The following HSPA5 variants were observed in gnomAD, a reference collection of about 807,000 sequenced individuals.
HSPA5 encodes the protein endoplasmic reticulum chaperone BiP.
Under a neutral mutation model 49.5 loss-of-function variants are expected in HSPA5, and 16 were observed. That is an observed-to-expected ratio of 0.32 (90% CI 0.22 to 0.49). The LOEUF (loss-of-function observed/expected upper bound fraction) is 0.49, where lower values mean the gene tolerates loss of function less well. HSPA5 is among the 20% of genes least tolerant of loss of function. HSPA5 has a pLI of 0.99. For synonymous variants in HSPA5, 271 were observed against 307.2 expected (o/e 0.88, Z 1.23); for missense variants, 376 against 819.0 (o/e 0.46, Z 6.60).
Position 125,240,606 on chromosome 9 carries a change from G to A in HSPA5, c.354+70C>T. ...CAACTGTTGTCTCAACACTTTTCCA[G>A]AGACTTATAACTCTAAATACTCCCA... On this transcript the variant is annotated intron_variant, in intron 2 of 7. Coordinates refer to ENST00000324460, the MANE Select transcript of HSPA5 (RefSeq NM_005347.5). The surrounding 1 kb of genome is among the most constrained non-coding windows in gnomAD (Gnocchi z 4.4). 1 of 1,288,876 alleles carries A rather than the reference G, an allele frequency of 7.8e-7. No homozygotes were observed. Among genetic ancestry groups the A allele is most frequent in the East Asian group, 2.3e-5 (1 of 42,922 alleles). 79.8% of individuals were successfully genotyped at this position (1,288,876 alleles called of 1,614,324 possible). A position where few individuals can be genotyped will look rare whatever the true frequency, so the allele number is the denominator to read the frequency against.
chr9:125,239,193 A>G lies in HSPA5; in HGVS notation c.744T>C (p.Asn248=). The stretch of plus-strand genomic sequence containing the variant: ...CTTCTCCACCCAGATGAGTATCTCC[A>G]TTAGTGGCCACAACTTCGAAGACAC... ...DNGVFEVVAT[N]GDTHLGGEDF... The change falls in exon 5 of 8, where the codon AAT becomes AAC. Residue 248 remains asparagine (N), a synonymous_variant. Coordinates refer to ENST00000324460, the MANE Select transcript of HSPA5 (RefSeq NM_005347.5). This position sits in a 1 kb window ranked among gnomAD's most constrained non-coding sequence, Gnocchi z 5.5. The G allele has an allele frequency of 6.2e-7, 1 of 1,614,140 alleles. No homozygotes were observed. The highest frequency in any genetic ancestry group is 8.5e-7 in the Non-Finnish European group (1 of 1,180,014).
chr9:125,240,286 TG>T lies in HSPA5; in HGVS notation c.377del (p.Pro126HisfsTer28), dbSNP rs1370106746. The part of the protein sequence containing the change: ...PFKVVEKKTK[P>X]YIQVDIGGGQ... ...CACCTCCAATATCAACTTGAATGTA[TG>T]GTTTAGTTTTCTTTTCAACCACCTA... On this transcript the variant is annotated frameshift_variant, in exon 3 of 8. Coordinates refer to ENST00000324460, the MANE Select transcript of HSPA5 (RefSeq NM_005347.5). LOFTEE classifies it high-confidence loss of function. This position sits in a 1 kb window ranked among gnomAD's most constrained non-coding sequence, Gnocchi z 4.4. 6.2e-7 allele frequency: 1 copy of T among 1,604,830 alleles called. No individual in the cohort carries two copies. Among genetic ancestry groups the T allele is most frequent in the Non-Finnish European group, 8.5e-7 (1 of 1,176,726 alleles).
Position 125,239,671 on chromosome 9 carries a change from G to A in HSPA5, c.493-138C>T. On this transcript the variant is annotated intron_variant, in intron 3 of 7. Transcript: ENST00000324460. This position sits in a 1 kb window ranked among gnomAD's most constrained non-coding sequence, Gnocchi z 5.5. ...AGGCAGGAGGATCACCTGAGGGCAG[G>A]ATTTCAAGACCAGCCTGGGCAATGT... 1 of 648,434 alleles carries A rather than the reference G, an allele frequency of 1.5e-6. No individual in the cohort carries two copies. Among genetic ancestry groups the A allele is most frequent in the Non-Finnish European group, 2.7e-6 (1 of 368,070 alleles). 40.2% of individuals were successfully genotyped at this position (648,434 alleles called of 1,614,324 possible). A position where few individuals can be genotyped will look rare whatever the true frequency, so the allele number is the denominator to read the frequency against.
chr9:125,241,115 G>C lies in HSPA5; in HGVS notation c.12C>G (p.Ser4=). 1 of 1,612,134 alleles carries C rather than the reference G, an allele frequency of 6.2e-7. No homozygotes were observed. Among genetic ancestry groups the C allele is most frequent in the South Asian group, 1.1e-5 (1 of 90,878 alleles). Residue 4 remains serine, a synonymous_variant, in exon 1 of 8, where the codon TCC becomes TCG. Transcript: ENST00000324460. Reference sequence around the variant, plus strand: ...GCAGCAGCAGCATCGCGGCCACCAGGGAGAGCTTCATCTTGCCAGCCAGTT... The same window carrying C: ...GCAGCAGCAGCATCGCGGCCACCAGCGAGAGCTTCATCTTGCCAGCCAGTT... MKL[S]LVAAMLLLLS...
At position 125,240,322 on chromosome 9, in the gene HSPA5, A is replaced by C; in HGVS notation, c.355-13T>G. 2 of 1,592,334 alleles carry C rather than the reference A, an allele frequency of 1.3e-6. No individual in the cohort carries two copies. The highest frequency in any genetic ancestry group is 1.7e-6 in the Non-Finnish European group (2 of 1,168,894). ...TCTTTTCAACCACCTATTTTAAAGA[A>C]TTATTGTTTTCAGACACAGATACAA... On this transcript the variant is annotated splice_polypyrimidine_tract_variant and intron_variant, in intron 2 of 7. Coordinates refer to ENST00000324460, the MANE Select transcript of HSPA5 (RefSeq NM_005347.5). This position sits in a 1 kb window ranked among gnomAD's most constrained non-coding sequence, Gnocchi z 4.4.
At position 125,241,269 on chromosome 9, in the gene HSPA5, G is replaced by A. The variant is rs773969655; in HGVS notation, c.-143C>T. On this transcript the variant is annotated 5_prime_UTR_variant, in exon 1 of 8. Transcript: ENST00000324460. ...GGCGAAGGGCAGGTCTAGAAATACA[G>A]GCCGCGGCGCTTCCCTCTCACACTC... 48 of 913,938 alleles carry A rather than the reference G, an allele frequency of 5.3e-5. 1 individual carries two copies. The highest frequency in any genetic ancestry group is 7.5e-5 in the Non-Finnish European group (46 of 610,884). The allele number at this position is 913,938 out of a possible 1,614,324, so 56.6% of individuals were successfully genotyped here. A position where few individuals can be genotyped will look rare whatever the true frequency, so the allele number is the denominator to read the frequency against.
rs1409200441 is a variant in HSPA5 at position 125,235,878 on chromosome 9, G to A, written c.*714C>T. On this transcript the variant is annotated 3_prime_UTR_variant, in exon 8 of 8. Transcript: ENST00000324460. The stretch of plus-strand genomic sequence containing the variant: ...GCCACCAGAAAGGCAGTTTTAGAAA[G>A]ATAAGGGGAAATAGGAAACCAAGTA... 6.6e-6 allele frequency: 1 copy of A among 152,100 alleles called. No homozygotes were observed. Among genetic ancestry groups the A allele is most frequent in the Non-Finnish European group, 1.5e-5 (1 of 68,014 alleles). 9.4% of individuals were successfully genotyped at this position (152,100 alleles called of 1,614,324 possible). A position where few individuals can be genotyped will look rare whatever the true frequency, so the allele number is the denominator to read the frequency against.
In HSPA5 at chr9:125,240,662, A is replaced by T; in HGVS notation, c.354+14T>A. The T allele has an allele frequency of 1.9e-6, 3 of 1,606,368 alleles. No individual in the cohort carries two copies. Among genetic ancestry groups the T allele is most frequent in the Non-Finnish European group, 1.7e-6 (2 of 1,173,416 alleles). On this transcript the variant is annotated intron_variant, in intron 2 of 7. Transcript: ENST00000324460. This position sits in a 1 kb window ranked among gnomAD's most constrained non-coding sequence, Gnocchi z 4.4. The stretch of plus-strand genomic sequence containing the variant: ...CACCCGTTCTCTAACTGGATGAGAA[A>T]AACCCGGTCGAACCTTGAACGGCAA...
intron 7 of HSPA5, among the ~76,000 whole-genome samples, chr9:125,237,781 T>G (rs1322458672): frequency 6.6e-6 from 1 of 152,002 alleles, no homozygotes; most frequent in Non-Finnish European, 1.5e-5. Flanking sequence ...CAATAGGACA[T>G]ATTAAGTCAT....
chr9:125,236,619 C>A lies in HSPA5; in HGVS notation c.1938G>T (p.Glu646Asp), dbSNP rs752372052. The change falls in exon 8 of 8, where the codon GAG (glutamate) becomes GAT (aspartate). Residue 646 changes from glutamate (E) to aspartate (D), a missense_variant. Glu to Asp is a conservative substitution (Grantham distance 45). Transcript: ENST00000324460. ...ACAACTCATCTTTTTCTGCTGTATCCTCTTCACCAGTTGGGGGAGGGCCTG... is the reference window on the plus strand; with the variant it reads ...ACAACTCATCTTTTTCTGCTGTATCATCTTCACCAGTTGGGGGAGGGCCTG... ...GSAGPPPTGE[E>D]DTAEKDEL 3 of 1,608,798 alleles carry A rather than the reference C, an allele frequency of 1.9e-6. No homozygotes were observed. The South Asian group carries it at 3.3e-5, about 18-fold the overall frequency.
chr9:125,238,455 G>A (rs1435039016), intron 6 of HSPA5, 135 bp downstream of exon 6: 3 of 968,068 alleles, frequency 3.1e-6, no homozygotes, highest in Non-Finnish European at 4.7e-6. Context: ...GACTACCCCA[G>A]TCTTGTCTTC....
chr9:125,240,954 G>A lies in HSPA5; in HGVS notation c.123-47C>T. The A allele has an allele frequency of 6.2e-7, 1 of 1,611,640 alleles. No individual in the cohort carries two copies. The highest frequency in any genetic ancestry group is 1.7e-5 in the Admixed American group (1 of 59,942). ...GGGACATCAGCACCGCACTTCTCAC[G>A]CCAGGCCAGGCGGCCACGCCCCGTC... On this transcript the variant is annotated intron_variant, in intron 1 of 7. Coordinates refer to ENST00000324460, the MANE Select transcript of HSPA5 (RefSeq NM_005347.5). This position sits in a 1 kb window ranked among gnomAD's most constrained non-coding sequence, Gnocchi z 4.4.
Position 125,235,573 on chromosome 9 carries a change from C to G in HSPA5, c.*1019G>C, listed in dbSNP as rs1487441950. ...GAACACAATCTAAGTAATCCTAAAC[C>G]AGTTTTGACACAAACCATTGCCTTT... is the stretch of plus-strand genomic sequence containing the variant. On this transcript the variant is annotated 3_prime_UTR_variant, in exon 8 of 8. Coordinates refer to ENST00000324460, the MANE Select transcript of HSPA5 (RefSeq NM_005347.5). The G allele has an allele frequency of 1.3e-5, 2 of 151,982 alleles. No individual in the cohort carries two copies. The highest frequency in any genetic ancestry group is 4.8e-5 in the African/African-American group (2 of 41,382). The allele number at this position is 151,982 out of a possible 1,614,324, so 9.4% of individuals were successfully genotyped here. A position where few individuals can be genotyped will look rare whatever the true frequency, so the allele number is the denominator to read the frequency against.
chr9:125,240,346 A>C lies in HSPA5; in HGVS notation c.355-37T>G. The stretch of plus-strand genomic sequence containing the variant: ...AATTATTGTTTTCAGACACAGATAC[A>C]ATGACATCTCAAAGTTTAAAAGACC... On this transcript the variant is annotated intron_variant, in intron 2 of 7. Coordinates refer to ENST00000324460, the MANE Select transcript of HSPA5 (RefSeq NM_005347.5). This position sits in a 1 kb window ranked among gnomAD's most constrained non-coding sequence, Gnocchi z 4.4. 6.4e-7 allele frequency: 1 copy of C among 1,564,840 alleles called. No homozygotes were observed.
At position 125,240,689 on chromosome 9, in the gene HSPA5, A is replaced by G; in HGVS notation, c.341T>C (p.Phe114Ser). 6.2e-7 allele frequency: 1 copy of G among 1,612,878 alleles called. No homozygotes were observed. Among genetic ancestry groups the G allele is most frequent in the Non-Finnish European group, 8.5e-7 (1 of 1,178,978 alleles). Residue 114 changes from phenylalanine (F) to serine (S), a missense_variant, in exon 2 of 8, where the codon TTC becomes TCC. Physicochemically the swap from Phe to Ser is radical, Grantham distance 155 (BLOSUM62 -2). Coordinates refer to ENST00000324460, the MANE Select transcript of HSPA5 (RefSeq NM_005347.5). The surrounding 1 kb of genome is among the most constrained non-coding windows in gnomAD (Gnocchi z 4.4). The part of the protein sequence containing the change: ...NDPSVQQDIK[F>S]LPFKVVEKKT... ...ACCCGGTCGAACCTTGAACGGCAAG[A>G]ACTTGATGTCCTGCTGCACAGACGG...
chr9:125,235,256 G>T lies in HSPA5; in HGVS notation c.*1336C>A, dbSNP rs1832472408. ...GAGTCTCACTCTTGTCGCCAGGCTG[G>T]AGTGCCGGGCTGGAGTACAGTGGTG... On this transcript the variant is annotated 3_prime_UTR_variant, in exon 8 of 8. Transcript: ENST00000324460. 5.3e-5 allele frequency: 8 copies of T among 151,730 alleles called. No homozygotes were observed. Among genetic ancestry groups the T allele is most frequent in the Admixed American group, 5.3e-4 (8 of 15,192 alleles). 9.4% of individuals were successfully genotyped at this position (151,730 alleles called of 1,614,324 possible).
chr9:125,240,757 C>A lies in HSPA5; in HGVS notation c.273G>T (p.Thr91=). 6.2e-7 allele frequency: 1 copy of A among 1,614,220 alleles called. No individual in the cohort carries two copies. Among genetic ancestry groups the A allele is most frequent in the African/African-American group, 1.3e-5 (1 of 75,062 alleles). Reference sequence around the variant, plus strand: ...CGATGAGCCGCTTGGCGTCAAAGACCGTGTTCTCGGGGTTGGAGGTGAGCT... The same window carrying A: ...CGATGAGCCGCTTGGCGTCAAAGACAGTGTTCTCGGGGTTGGAGGTGAGCT... ...KNQLTSNPEN[T]VFDAKRLIGR... The change falls in exon 2 of 8, where the codon ACG becomes ACT. Residue 91 remains threonine (T), a synonymous_variant. Transcript: ENST00000324460. The surrounding 1 kb of genome is among the most constrained non-coding windows in gnomAD (Gnocchi z 4.4).
chr9:125,238,893 C>T (rs914981092), intron 5 of HSPA5, 48 bp downstream of exon 5: 1 of 1,606,316 alleles, frequency 6.2e-7, no homozygotes, highest in African/African-American at 1.3e-5. Context: ...GTCCTGAATT[C>T]AGAGTCTAAG....
chr9:125,236,786 T>G lies in HSPA5; in HGVS notation c.1771A>C (p.Lys591Gln), dbSNP rs1363355640. 7 of 1,613,576 alleles carry G rather than the reference T, an allele frequency of 4.3e-6. No individual in the cohort carries two copies. The highest frequency in any genetic ancestry group is 5.9e-6 in the Non-Finnish European group (7 of 1,179,728). ...TCTACAGCTTTTTCCATGGTCTCCT[T>G]ATCTTCAGAGGAAAGTTTACCTCCC... Reference protein sequence around the residue: ...KLGGKLSSEDKETMEKAVEEK... With the variant: ...KLGGKLSSEDQETMEKAVEEK... The change falls in exon 8 of 8, where the codon AAG (lysine) becomes CAG (glutamine). Residue 591 changes from lysine to glutamine, a missense_variant. By Grantham distance (53) the Lys-to-Gln change is moderately conservative (BLOSUM62 1). Transcript: ENST00000324460.
Sources: allele counts gnomAD v4.1 joint callset (sites outside exome capture counted in the v4.1 genomes callset), GRCh38; gene constraint gnomAD v4.1.1; non-coding constraint Gnocchi (gnomAD v3.1); transcripts MANE v1.5; gene names NCBI Gene and HGNC (gene_info 2026-07-23, HGNC 2026-07-21).